The following MARCHF1 variants were observed in gnomAD, a reference collection of about 807,000 sequenced individuals.
MARCHF1 encodes E3 ubiquitin-protein ligase MARCHF1.
MARCHF1 carries 40 observed loss-of-function variants against 54.2 expected under a neutral mutation model. The observed-to-expected ratio is 0.74, with a 90% CI of 0.57 to 0.96. The LOEUF (loss-of-function observed/expected upper bound fraction) is 0.96. Ranked by LOEUF, MARCHF1 falls within the 40% of genes least tolerant of loss-of-function variation. MARCHF1 has a pLI of 0.00. For synonymous variants in MARCHF1, 236 were observed against 236.3 expected (o/e 1.00, Z 0.01); for missense variants, 586 against 656.5 (o/e 0.89, Z 1.17).
intron 3 of MARCHF1, among the ~76,000 whole-genome samples, chr4:163,876,452 T>C (rs1053273603): frequency 1.3e-5 from 2 of 152,176 alleles, no homozygotes; most frequent in African/African-American, 4.8e-5. Flanking sequence ...CTCCAACTAC[T>C]TCCACTACTG....
At chr4:164,216,241 T>C (rs1016809119) in intron 1 of MARCHF1, among the ~76,000 whole-genome samples, 15 of 152,226 alleles carry the variant, frequency 9.9e-5, no homozygotes, top group South Asian at 2.1e-4. Flanking sequence ...GAAAACACCA[T>C]GAGTATAAGT....
chr4:163,771,647 C>CGGA (rs1747164914), intron 4 of MARCHF1, among the ~76,000 whole-genome samples: 1 of 152,148 alleles, frequency 6.6e-6, no homozygotes, highest in African/African-American at 2.4e-5. Context: ...ATATCATCAC[C>CGGA]TTGGGAGATA....
intron 1 of MARCHF1, among the ~76,000 whole-genome samples, chr4:164,298,412 C>A (rs987927393): frequency 1.3e-4 from 20 of 151,902 alleles, no homozygotes; most frequent in African/African-American, 4.8e-4. Flanking sequence ...CTTTCCGTAA[C>A]GGGTACCTTC....
intron 2 of MARCHF1, among the ~76,000 whole-genome samples, chr4:164,047,632 A>C (rs970733044): frequency 2.0e-5 from 3 of 152,138 alleles, no homozygotes; most frequent in African/African-American, 7.2e-5. Flanking sequence ...TTTGTTTTCT[A>C]AACATACATA....
intron 1 of MARCHF1, chr4:164,189,378 G>T: frequency 1.5e-6 from 1 of 652,398 alleles, no homozygotes; most frequent in South Asian, 1.8e-5. Context: ...ACATGGATCT[G>T]TTCTGGTCTA....
intron 1 of MARCHF1, among the ~76,000 whole-genome samples, chr4:164,244,398 T>G (rs1370499206): frequency 1.3e-5 from 2 of 151,914 alleles, no homozygotes; most frequent in Admixed American, 1.3e-4. Flanking sequence ...AAAGATGTTC[T>G]CTGAAACCAA....
intron 1 of MARCHF1, among the ~76,000 whole-genome samples, chr4:164,220,724 T>A (rs1404491614): frequency 6.8e-6 from 1 of 147,102 alleles, no homozygotes; most frequent in Non-Finnish European, 1.5e-5. Context: ...ATATATGATA[T>A]ATGTATATAT....
At chr4:164,281,228 G>A (rs1028876985) in intron 1 of MARCHF1, among the ~76,000 whole-genome samples, 9 of 152,076 alleles carry the variant, frequency 5.9e-5, no homozygotes, top group Non-Finnish European at 8.8e-5. Flanking sequence ...TGTCATGAAC[G>A]TTTTAATTTG....
At chr4:164,167,493 G>A in intron 1 of MARCHF1, among the ~76,000 whole-genome samples, 1 of 151,418 alleles carries the variant, frequency 6.6e-6, no homozygotes, top group East Asian at 1.9e-4. Context: ...AGAAAGAAAA[G>A]CAAAGTTGGA....
At chr4:164,097,910 G>A (rs6849952) in intron 2 of MARCHF1, among the ~76,000 whole-genome samples, 184 of 152,196 alleles carry the variant, frequency 1.2e-3, no homozygotes, top group African/African-American at 4.2e-3. Context: ...TTTATCTTCC[G>A]GCTGGCTTCA....
At chr4:164,072,406 T>A (rs1754886548) in intron 2 of MARCHF1, among the ~76,000 whole-genome samples, 1 of 151,858 alleles carries the variant, frequency 6.6e-6, no homozygotes, top group Non-Finnish European at 1.5e-5. Flanking sequence ...CTACAAAGTA[T>A]AAAAATTAAC....
chr4:164,148,077 T>TGGTACATTCATAATGTA (rs772262625), intron 1 of MARCHF1, among the ~76,000 whole-genome samples: 2 of 151,910 alleles, frequency 1.3e-5, no homozygotes, highest in Non-Finnish European at 2.9e-5. Flanking sequence ...ATTTCATATT[T>TGGTACATTCATAATGTA]CCAAAAGTAC....
chr4:163,681,048 A>C (rs1744086630), intron 5 of MARCHF1, among the ~76,000 whole-genome samples: 1 of 150,460 alleles, frequency 6.6e-6, no homozygotes, highest in Admixed American at 6.6e-5. Flanking sequence ...ATATGTAATA[A>C]ATATGGTGCA....
At chr4:163,572,261 T>G (rs115877041) in intron 8 of MARCHF1, among the ~76,000 whole-genome samples, 1,909 of 151,966 alleles carry the variant, frequency 0.013, 39 homozygotes, top group South Asian at 0.041. Context: ...TTTCTTTATA[T>G]CTTTTAAAAA....
intron 1 of MARCHF1, among the ~76,000 whole-genome samples, chr4:164,183,513 T>C (rs1730887601): frequency 6.6e-6 from 1 of 152,234 alleles, no homozygotes; most frequent in Admixed American, 6.5e-5. Flanking sequence ...CAATCTTTTC[T>C]TTCAATTTTC....
At chr4:163,748,000 A>C (rs997084435) in intron 4 of MARCHF1, among the ~76,000 whole-genome samples, 5 of 152,206 alleles carry the variant, frequency 3.3e-5, no homozygotes, top group African/African-American at 7.2e-5. Context: ...CCTGGAGCCC[A>C]CACAACCTGT....
intron 4 of MARCHF1, among the ~76,000 whole-genome samples, chr4:163,843,343 T>C (rs1055842692): frequency 6.6e-6 from 1 of 152,138 alleles, no homozygotes; most frequent in Non-Finnish European, 1.5e-5. Flanking sequence ...CATGTGTTTT[T>C]TGGTAGTACA....
intron 1 of MARCHF1, among the ~76,000 whole-genome samples, chr4:164,337,293 A>C (rs1371908264): frequency 6.6e-6 from 1 of 152,216 alleles, no homozygotes; most frequent in Non-Finnish European, 1.5e-5. Context: ...GTTGGATCAC[A>C]AAAATCTGAA....
intron 8 of MARCHF1, among the ~76,000 whole-genome samples, chr4:163,574,658 T>A (rs1479375479): frequency 2.6e-5 from 4 of 151,620 alleles, no homozygotes; most frequent in Admixed American, 6.6e-5. Flanking sequence ...GGCTCTGTTC[T>A]GTTCCATTGA....
Sources: allele counts gnomAD v4.1 joint callset (sites outside exome capture counted in the v4.1 genomes callset), GRCh38; gene constraint gnomAD v4.1.1; transcripts MANE v1.5; gene names NCBI Gene and HGNC (gene_info 2026-07-23, HGNC 2026-07-21).